The following ZC3H11A variants were observed in gnomAD, a reference collection of about 807,000 sequenced individuals.
ZC3H11A encodes zinc finger CCCH domain-containing protein 11A.
In ZC3H11A, 22 loss-of-function variants were observed where a neutral mutation model predicts 90.8. That is an observed-to-expected ratio of 0.24 (90% CI 0.17 to 0.35). The LOEUF is 0.35. Among genes scored for constraint, ZC3H11A ranks in the 10% least tolerant of loss-of-function variants. The probability of loss-of-function intolerance (pLI) is 1.00; values close to 1 mark genes in which losing one functional copy is unlikely to be tolerated. For missense variants in ZC3H11A, 701 were observed against 964.9 expected (o/e 0.73, Z 3.62); for synonymous variants, 294 against 339.8 (o/e 0.87, Z 1.48).
chr1:203,806,788 A>C (rs945923864), intron 2 of ZC3H11A, among the ~76,000 whole-genome samples: 3 of 141,352 alleles, frequency 2.1e-5, no homozygotes, highest in Non-Finnish European at 4.6e-5. Context: ...GTACCTTACA[A>C]TTTACCAAGT....
chr1:203,798,289 A>C, intron 1 of ZC3H11A: 1 of 1,536,182 alleles, frequency 6.5e-7, no homozygotes, highest in East Asian at 2.4e-5. Flanking sequence ...ATTGTCAAGC[A>C]TGCTTTAATT....
At chr1:203,834,479 C>T (rs1683551740) in intron 10 of ZC3H11A, among the ~76,000 whole-genome samples, 1 of 151,956 alleles carries the variant, frequency 6.6e-6, no homozygotes, top group South Asian at 2.1e-4. Flanking sequence ...ACCATGTTGC[C>T]CAGGCTGGTC....
At chr1:203,848,286 G>A (rs1206757922) in intron 13 of ZC3H11A, 45 bp from the exon 14 acceptor site, 2 of 1,489,942 alleles carry the variant, frequency 1.3e-6, no homozygotes, top group Non-Finnish European at 1.8e-6. Flanking sequence ...TCATGAAGTT[G>A]CAGCTTAAAT....
At chr1:203,833,379 A>G (rs796517608) in intron 9 of ZC3H11A, among the ~76,000 whole-genome samples, 1 of 145,676 alleles carries the variant, frequency 6.9e-6, no homozygotes, top group African/African-American at 2.5e-5. Context: ...AAAAAAAAAA[A>G]AAAAACACCA....
At chr1:203,839,731 A>G (rs954576619) in intron 11 of ZC3H11A, among the ~76,000 whole-genome samples, 12 of 152,328 alleles carry the variant, frequency 7.9e-5, no homozygotes, top group African/African-American at 1.9e-4. Flanking sequence ...AAGGCTCTAC[A>G]ATAACAAAAT....
At position 203,802,191 on chromosome 1, in the gene ZC3H11A, G is replaced by A. The variant is rs542008376; in HGVS notation, c.-971G>A. The A allele has an allele frequency of 1.4e-4, 21 of 152,634 alleles. No individual in the cohort carries two copies. Among genetic ancestry groups the A allele is most frequent in the African/African-American group, 5.1e-4 (21 of 41,540 alleles). The allele number at this position is 152,634 out of a possible 1,614,324, so 9.5% of individuals were successfully genotyped here. A position where few individuals can be genotyped will look rare whatever the true frequency, so the allele number is the denominator to read the frequency against. The stretch of plus-strand genomic sequence containing the variant: ...TATCTTTTTTGGTTAAACACTCCCT[G>A]ATGACGATGATGGATATATATACAT... On this transcript the variant is annotated 5_prime_UTR_variant, in exon 2 of 18. It removes the in-frame stop codon of an upstream open reading frame in the 5' UTR. Coordinates refer to ENST00000367210, the MANE Select transcript of ZC3H11A (RefSeq NM_001376342.1).
At chr1:203,842,598 G>A (rs921297315) in intron 12 of ZC3H11A, among the ~76,000 whole-genome samples, 26 of 150,968 alleles carry the variant, frequency 1.7e-4, no homozygotes, top group Non-Finnish European at 1.3e-4. Flanking sequence ...GAGGGAGACC[G>A]GGGAGAGGGG....
At chr1:203,819,226 ATTTTTTT>A (rs967842944) in intron 4 of ZC3H11A, among the ~76,000 whole-genome samples, 1 of 123,808 alleles carries the variant, frequency 8.1e-6, no homozygotes, top group East Asian at 2.3e-4. Context: ...CTTTCTTTTT[ATTTTTTT>A]TTTTTTGAAA....
At chr1:203,806,940 T>A (rs1672597439) in intron 2 of ZC3H11A, among the ~76,000 whole-genome samples, 1 of 99,414 alleles carries the variant, frequency 1.0e-5, no homozygotes, top group Admixed American at 8.1e-5. Flanking sequence ...TACTACAGGA[T>A]TTTTTTTGTT....
intron 2 of ZC3H11A, among the ~76,000 whole-genome samples, chr1:203,814,434 G>T (rs1267994942): frequency 6.6e-6 from 1 of 152,118 alleles, no homozygotes; most frequent in African/African-American, 2.4e-5. Context: ...TGAGGCGGGA[G>T]AATTGCTTGA....
chr1:203,829,292 C>T (rs1681510942), intron 5 of ZC3H11A, 159 bp from the exon 6 acceptor site: 1 of 702,548 alleles, frequency 1.4e-6, no homozygotes, highest in Admixed American at 2.8e-5. Context: ...GGTAAAAGCA[C>T]ATCTTTTCCC....
intron 2 of ZC3H11A, among the ~76,000 whole-genome samples, chr1:203,804,311 C>T (rs1218784439): frequency 2.6e-5 from 4 of 152,088 alleles, no homozygotes; most frequent in African/African-American, 9.7e-5. Context: ...GCCACCTCGC[C>T]TGGCTAACTT....
At chr1:203,822,110 G>A (rs1342505921) in intron 4 of ZC3H11A, among the ~76,000 whole-genome samples, 1 of 152,062 alleles carries the variant, frequency 6.6e-6, no homozygotes, top group Non-Finnish European at 1.5e-5. Flanking sequence ...TCATATAGAT[G>A]CTTCCAGTTC....
At chr1:203,832,831 TAC>T (rs1338348299) in intron 9 of ZC3H11A, among the ~76,000 whole-genome samples, 17 of 152,176 alleles carry the variant, frequency 1.1e-4, no homozygotes, top group African/African-American at 4.1e-4. Context: ...CGGAGTAGAG[TAC>T]AGTTTCATTC....
intron 4 of ZC3H11A, among the ~76,000 whole-genome samples, chr1:203,822,756 C>G (rs1198424426): frequency 3.9e-5 from 6 of 152,176 alleles, no homozygotes; most frequent in African/African-American, 1.2e-4. Flanking sequence ...CCGTGGGTTC[C>G]AACACCCTAT....
chr1:203,851,161 C>A, intron 17 of ZC3H11A, 37 bp downstream of exon 17: 1 of 1,591,528 alleles, frequency 6.3e-7, no homozygotes, highest in Non-Finnish European at 8.6e-7. Flanking sequence ...AAACTCCAGG[C>A]CCCTGTTACT....
intron 12 of ZC3H11A, among the ~76,000 whole-genome samples, chr1:203,843,233 T>C (rs1454106465): frequency 6.6e-6 from 1 of 152,224 alleles, no homozygotes; most frequent in East Asian, 1.9e-4. Context: ...TCAGTATTTA[T>C]GATAATCAGT....
Position 203,851,017 on chromosome 1 carries a change from GCCTGACTCTCACTGAATTA to G in ZC3H11A, c.2107-30_2107-12del, listed in dbSNP as rs916867841. The G allele has an allele frequency of 5.0e-6, 8 of 1,606,376 alleles. No individual in the cohort carries two copies. In the Admixed American group the frequency reaches 1.0e-4, roughly 20 times the overall value. On this transcript the variant is annotated intron_variant, in intron 16 of 17. Coordinates refer to ENST00000367210, the MANE Select transcript of ZC3H11A (RefSeq NM_001376342.1). ...AAAATGAATATGCTCAAATTAAAAA[GCCTGACTCTCACTGAATTA>G]CCTGACTCTTCCTTTTGTAGGCTGT... is the stretch of plus-strand genomic sequence containing the variant.
At chr1:203,810,613 G>T (rs917833142) in intron 2 of ZC3H11A, among the ~76,000 whole-genome samples, 25 of 151,834 alleles carry the variant, frequency 1.6e-4, no homozygotes, top group Admixed American at 2.6e-4. Context: ...TAGAGATGGG[G>T]TTTCACAGTG....
Sources: allele counts gnomAD v4.1 joint callset (sites outside exome capture counted in the v4.1 genomes callset), GRCh38; gene constraint gnomAD v4.1.1; transcripts MANE v1.5; gene names NCBI Gene and HGNC (gene_info 2026-07-23, HGNC 2026-07-21).